Variants in SPOPL observed in about 807,000 individuals in gnomAD.
SPOPL encodes speckle type BTB/POZ protein like, also known as speckle-type POZ protein-like.
Under a neutral mutation model 53.8 loss-of-function variants are expected in SPOPL, and 23 were observed. That is an observed-to-expected ratio of 0.43 (90% CI 0.31 to 0.61). The LOEUF (loss-of-function observed/expected upper bound fraction) is 0.61. Among genes scored for constraint, SPOPL ranks in the 20% least tolerant of loss-of-function variants. The probability of loss-of-function intolerance (pLI) is 0.12; values close to 1 mark genes in which losing one functional copy is unlikely to be tolerated. For missense variants in SPOPL, 442 were observed against 466.9 expected (o/e 0.95, Z 0.49); for synonymous variants, 164 against 149.7 (o/e 1.10, Z -0.70).
intron 8 of SPOPL, among the ~76,000 whole-genome samples, chr2:138,564,061 C>T (rs1442975369): frequency 6.6e-6 from 1 of 152,106 alleles, no homozygotes; most frequent in East Asian, 1.9e-4. Context: ...GCAGACTAAT[C>T]TATAGTGATA....
At chr2:138,542,617 G>T (rs1189028178) in intron 1 of SPOPL, among the ~76,000 whole-genome samples, 11 of 151,922 alleles carry the variant, frequency 7.2e-5, no homozygotes, top group Non-Finnish European at 1.5e-5. Flanking sequence ...TTTATTTTGA[G>T]CCTATGTGTG....
At chr2:138,537,555 C>T (rs983691865) in intron 1 of SPOPL, among the ~76,000 whole-genome samples, 1 of 152,116 alleles carries the variant, frequency 6.6e-6, no homozygotes, top group African/African-American at 2.4e-5. Context: ...GTTTTTACTT[C>T]TTTTTTCTTT....
intron 1 of SPOPL, among the ~76,000 whole-genome samples, chr2:138,529,930 C>T (rs1684770364): frequency 1.3e-5 from 2 of 152,098 alleles, no homozygotes; most frequent in African/African-American, 4.8e-5. Flanking sequence ...ATTAGTTAGC[C>T]TAGTACCCAT....
intron 1 of SPOPL, among the ~76,000 whole-genome samples, chr2:138,530,282 G>C (rs1448766297): frequency 6.6e-6 from 1 of 152,128 alleles, no homozygotes; most frequent in Non-Finnish European, 1.5e-5. Flanking sequence ...TATGTTCACT[G>C]TGTGTGGACA....
intron 8 of SPOPL, 149 bp from the exon 9 acceptor site, chr2:138,564,559 G>A (rs16840717): frequency 0.13 from 109,952 of 853,010 alleles, 8,517 homozygotes; most frequent in African/African-American, 0.3. Flanking sequence ...TATTTACTTC[G>A]TATTAGGTTA....
intron 1 of SPOPL, among the ~76,000 whole-genome samples, chr2:138,504,536 T>A (rs1431727687): frequency 6.6e-6 from 1 of 152,194 alleles, no homozygotes; most frequent in African/African-American, 2.4e-5. Context: ...CCTGGCACTG[T>A]TTCTTAGTTT....
intron 2 of SPOPL, 24 bp downstream of exon 2, chr2:138,550,318 A>G (rs774137848): frequency 2.7e-5 from 43 of 1,611,856 alleles, no homozygotes; most frequent in Non-Finnish European, 3.6e-5. Context: ...AAAATCCCTC[A>G]CTTTATGTCA....
intron 1 of SPOPL, among the ~76,000 whole-genome samples, chr2:138,537,815 A>C (rs1056100467): frequency 5.9e-5 from 9 of 152,194 alleles, no homozygotes. Context: ...TTTCTTGAAT[A>C]AATGTTTCTT....
At chr2:138,520,299 A>C (rs1178307445) in intron 1 of SPOPL, among the ~76,000 whole-genome samples, 1 of 152,168 alleles carries the variant, frequency 6.6e-6, no homozygotes. Context: ...TGCTCAAGTA[A>C]ATTTGTTTTT....
At chr2:138,545,581 C>T (rs1445965402) in intron 1 of SPOPL, among the ~76,000 whole-genome samples, 1 of 139,956 alleles carries the variant, frequency 7.1e-6, no homozygotes, top group Non-Finnish European at 1.5e-5. Context: ...CTATAGGCGC[C>T]TGCCATCACA....
intron 1 of SPOPL, among the ~76,000 whole-genome samples, chr2:138,533,017 C>A (rs1314131015): frequency 6.6e-6 from 1 of 152,100 alleles, no homozygotes. Flanking sequence ...GGCTTATCTC[C>A]CCTGCCCATC....
rs188472405 is a variant in SPOPL at position 138,565,499 on chromosome 2, G to A, written c.1034+506G>A. 6.2e-3 allele frequency among the ~76,000 whole-genome samples: 947 copies of A among 152,236 alleles called. 11 individuals carry two copies. Among genetic ancestry groups the A allele is most frequent in the African/African-American group, 0.022 (909 of 41,522 alleles). On this transcript the variant is annotated intron_variant, in intron 10 of 10. Transcript: ENST00000280098. ...CTTTTCCCTAGTGAACCTGTAAGGG[G>A]TTGGATAGTTGCTATATCTTTCTAA...
At chr2:138,551,304 A>T (rs1279907643) in intron 4 of SPOPL, among the ~76,000 whole-genome samples, 1 of 152,096 alleles carries the variant, frequency 6.6e-6, no homozygotes, top group Non-Finnish European at 1.5e-5. Context: ...TCCAGTTGTC[A>T]CTTAGAAAAA....
rs1348174233 is a variant in SPOPL, at chr2:138,535,732, T to C, written c.-60-14425T>C. Among the ~76,000 whole-genome samples, 5 of 152,252 alleles carry C rather than the reference T, an allele frequency of 3.3e-5. No individual in the cohort carries two copies. The South Asian group carries it at 6.2e-4, about 19-fold the overall frequency. ...TTTTTTAGTTATCTTTTTCTGCTGC[T>C]TCTGTCTTTCTTCTCCTTCTGATAC... On this transcript the variant is annotated intron_variant, in intron 1 of 10. Transcript: ENST00000280098.
chr2:138,510,469 T>TAC (rs936154092), intron 1 of SPOPL, among the ~76,000 whole-genome samples: 10 of 152,206 alleles, frequency 6.6e-5, no homozygotes, highest in Non-Finnish European at 1.3e-4. Flanking sequence ...AACTTGTCCT[T>TAC]ACTGATTTTC....
At position 138,555,886 on chromosome 2, in the gene SPOPL, T is replaced by C. The variant is rs990380868; in HGVS notation, c.481-3136T>C. Among the ~76,000 whole-genome samples, 7 of 149,740 alleles carry C rather than the reference T, an allele frequency of 4.7e-5. 1 individual carries two copies. The highest frequency in any genetic ancestry group is 3.3e-4 in the Admixed American group (5 of 14,978). ...TTTTGAAGATTGCACATTTGCCTCT[T>C]TTTTTTTTTGAAAGAAGCATAACTT... On this transcript the variant is annotated intron_variant, in intron 5 of 10. Coordinates refer to ENST00000280098, the MANE Select transcript of SPOPL (RefSeq NM_001001664.3).
intron 1 of SPOPL, among the ~76,000 whole-genome samples, chr2:138,522,160 A>G (rs1328823883): frequency 6.6e-6 from 1 of 152,196 alleles, no homozygotes; most frequent in Non-Finnish European, 1.5e-5. Flanking sequence ...TTTGAGACTT[A>G]CTGCCCTAGA....
At chr2:138,521,644 T>G (rs139522971) in intron 1 of SPOPL, among the ~76,000 whole-genome samples, 1,619 of 152,238 alleles carry the variant, frequency 0.011, 32 homozygotes, top group African/African-American at 0.037. Context: ...TATAACAGCA[T>G]GTGTTAATAG....
intron 8 of SPOPL, 102 bp downstream of exon 8, chr2:138,561,029 T>C: frequency 7.0e-7 from 1 of 1,421,396 alleles, no homozygotes. Context: ...ATTTTGTAGA[T>C]GGCTCTTGAG....
Sources: gnomAD v4.1 joint callset for allele counts (sites outside exome capture counted in the v4.1 genomes callset) on GRCh38, gnomAD v4.1.1 for gene constraint, MANE v1.5 for transcripts, NCBI Gene and HGNC (gene_info 2026-07-23, HGNC 2026-07-21) for gene names.